WDFY3: variants seen among roughly 807,000 people sequenced by gnomAD.
WDFY3 encodes the protein WD repeat and FYVE domain-containing protein 3.
Under a neutral mutation model 409.6 loss-of-function variants are expected in WDFY3, and 66 were observed. The ratio of observed to expected loss-of-function variants is 0.16; its 90% CI spans 0.13 to 0.20. The LOEUF is 0.20. Ranked by LOEUF, WDFY3 falls within the 10% of genes least tolerant of loss-of-function variation. The probability of loss-of-function intolerance (pLI) is 1.00; values close to 1 mark genes in which losing one functional copy is unlikely to be tolerated. For synonymous variants in WDFY3, 1,521 were observed against 1,537.1 expected (o/e 0.99, Z 0.25); for missense variants, 3,031 against 4,298.1 (o/e 0.71, Z 8.24).
chr4:84,734,838 G>A (rs1220094753), intron 43 of WDFY3, among the ~76,000 whole-genome samples: 2 of 152,124 alleles, frequency 1.3e-5, no homozygotes, highest in Non-Finnish European at 2.9e-5. Context: ...TTTTTGAAAT[G>A]CAGTTTGTTG....
intron 3 of WDFY3, among the ~76,000 whole-genome samples, chr4:84,881,037 A>G (rs111382872): frequency 5.1e-4 from 78 of 151,960 alleles, no homozygotes; most frequent in African/African-American, 1.9e-3. Context: ...GGTAAGTCTT[A>G]CTGAGCTTCT....
chr4:84,765,218 T>C (rs887042740), intron 32 of WDFY3, among the ~76,000 whole-genome samples: 1 of 152,170 alleles, frequency 6.6e-6, no homozygotes, highest in Non-Finnish European at 1.5e-5. Context: ...TGAGTTCAAA[T>C]AAATCTAGCA....
At chr4:84,760,410 T>C (rs1421108288) in intron 32 of WDFY3, among the ~76,000 whole-genome samples, 1 of 152,256 alleles carries the variant, frequency 6.6e-6, no homozygotes, top group East Asian at 1.9e-4. Flanking sequence ...TCTGGTAGAA[T>C]TCAGCTGTGA....
intron 4 of WDFY3, among the ~76,000 whole-genome samples, chr4:84,853,060 G>A (rs1285820607): frequency 6.6e-5 from 10 of 151,724 alleles, no homozygotes; most frequent in Non-Finnish European, 1.2e-4. Context: ...TGCCCGGCCA[G>A]AAACCTCTAT....
chr4:84,912,330 A>C (rs1176931670), intron 2 of WDFY3, among the ~76,000 whole-genome samples: 1 of 152,212 alleles, frequency 6.6e-6, no homozygotes, highest in South Asian at 2.1e-4. Flanking sequence ...CTGTAAAAAC[A>C]GAGAGGGAAA....
At chr4:84,751,886 C>T (rs1740584800) in intron 35 of WDFY3, among the ~76,000 whole-genome samples, 170 bp from the exon 36 acceptor site, 1 of 152,162 alleles carries the variant, frequency 6.6e-6, no homozygotes, top group African/African-American at 2.4e-5. Flanking sequence ...AGTAATCTGG[C>T]ACCATATGTC....
intron 43 of WDFY3, among the ~76,000 whole-genome samples, chr4:84,733,849 T>C (rs113582768): frequency 6.6e-6 from 1 of 152,156 alleles, no homozygotes; most frequent in Non-Finnish European, 1.5e-5. Flanking sequence ...GTGTGCAATA[T>C]AGTGAAACAG....
In WDFY3 at chr4:84,789,048, A is replaced by G. The variant is rs1748024701; in HGVS notation, c.3669+678T>C. Among the ~76,000 whole-genome samples, 2 of 152,086 alleles carry G rather than the reference A, an allele frequency of 1.3e-5. 1 individual carries two copies. Among genetic ancestry groups the G allele is most frequent in the Admixed American group, 1.3e-4 (2 of 15,258 alleles). On this transcript the variant is annotated intron_variant, in intron 22 of 67. Coordinates refer to ENST00000295888, the MANE Select transcript of WDFY3 (RefSeq NM_014991.6). ...AAAGGAAAAACAATAAAAATAAAATAAAATAAAATAAAATGAATACTATCT... is the reference window on the plus strand; with the variant it reads ...AAAGGAAAAACAATAAAAATAAAATGAAATAAAATAAAATGAATACTATCT...
chr4:84,696,863 A>G, intron 56 of WDFY3, 40 bp from the exon 57 acceptor site: 1 of 1,527,040 alleles, frequency 6.5e-7, no homozygotes, highest in Non-Finnish European at 9.0e-7. Flanking sequence ...AAAAAGAAAG[A>G]ATGGGATAAA....
intron 1 of WDFY3, among the ~76,000 whole-genome samples, chr4:84,940,117 C>A (rs1205136116): frequency 4.6e-5 from 7 of 152,194 alleles, no homozygotes; most frequent in African/African-American, 1.7e-4. Context: ...GGAGAACCCT[C>A]ACTCCAACAA....
chr4:84,902,349 A>C (rs939019282), intron 2 of WDFY3, among the ~76,000 whole-genome samples: 2 of 152,214 alleles, frequency 1.3e-5, no homozygotes, highest in Non-Finnish European at 1.5e-5. Flanking sequence ...CAATAAAAAC[A>C]ATTTATAAAT....
intron 30 of WDFY3, among the ~76,000 whole-genome samples, chr4:84,771,141 T>C (rs564547880): frequency 3.9e-5 from 6 of 152,282 alleles, no homozygotes; most frequent in African/African-American, 1.4e-4. Context: ...CCACCTTTTT[T>C]TGTTTGTTTT....
In WDFY3 at chr4:84,787,484, G is replaced by A. The variant is rs1560759791; in HGVS notation, c.3899C>T (p.Pro1300Leu). 6.2e-7 allele frequency: 1 copy of A among 1,611,712 alleles called. No homozygotes were observed. Among genetic ancestry groups the A allele is most frequent in the South Asian group, 1.1e-5 (1 of 91,024 alleles). The change falls in exon 23 of 68, where the codon CCA becomes CTA. Residue 1300 changes from proline (P) to leucine (L), a missense_variant and splice_region_variant. By Grantham distance (98) the Pro-to-Leu change is moderately conservative. Transcript: ENST00000295888. The part of the protein sequence containing the change: ...YVGSFQAVCM[P>L]CKDAKSEGVV... ...AGAACTAAAAATAAGTTACTCACATGGCATACATACAGCCTGAAAGCTTCC... is the reference window on the plus strand; with the variant it reads ...AGAACTAAAAATAAGTTACTCACATAGCATACATACAGCCTGAAAGCTTCC...
rs776230141 is a variant in WDFY3 at position 84,836,954 on chromosome 4, C to A, written c.551G>T (p.Gly184Val). Reference sequence around the variant, plus strand: ...CTGTACAAAAACTTTCTGGAGTAGTCCTCGACGTTCTGCTAGAGGTAGCTC... The same window carrying A: ...CTGTACAAAAACTTTCTGGAGTAGTACTCGACGTTCTGCTAGAGGTAGCTC... Reference protein sequence around the residue: ...QNELPLAERRGLLQKVFVQIL... With the variant: ...QNELPLAERRVLLQKVFVQIL... Residue 184 changes from glycine (G) to valine (V), a missense_variant, in exon 7 of 68, where the codon GGA becomes GTA. Transcript: ENST00000295888. The A allele has an allele frequency of 5.0e-6, 8 of 1,585,726 alleles. No homozygotes were observed. Among genetic ancestry groups the A allele is most frequent in the Non-Finnish European group, 6.0e-6 (7 of 1,166,164 alleles).
intron 3 of WDFY3, among the ~76,000 whole-genome samples, chr4:84,868,612 T>C (rs1452777835): frequency 6.6e-6 from 1 of 152,148 alleles, no homozygotes; most frequent in Non-Finnish European, 1.5e-5. Context: ...TGTGCTTAAT[T>C]TTTTTCCTAC....
intron 32 of WDFY3, among the ~76,000 whole-genome samples, chr4:84,762,671 T>A (rs959869584): frequency 3.3e-5 from 5 of 152,166 alleles, no homozygotes; most frequent in African/African-American, 1.2e-4. Context: ...TGACAACTCA[T>A]TTCTCCATTT....
intron 46 of WDFY3, 140 bp downstream of exon 46, chr4:84,724,286 A>T: frequency 1.1e-6 from 1 of 915,354 alleles, no homozygotes; most frequent in South Asian, 2.4e-5. Context: ...ATCAATCTTT[A>T]AGAAGGGTGA....
At chr4:84,700,107 A>C (rs1044641482) in intron 56 of WDFY3, among the ~76,000 whole-genome samples, 4 of 152,120 alleles carry the variant, frequency 2.6e-5, no homozygotes, top group African/African-American at 9.7e-5. Context: ...TTGATATCAT[A>C]TTTAAGAATA....
chr4:84,811,102 A>G (rs1752418492), intron 13 of WDFY3, among the ~76,000 whole-genome samples: 1 of 152,112 alleles, frequency 6.6e-6, no homozygotes, highest in African/African-American at 2.4e-5. Flanking sequence ...GGTTCAAGCA[A>G]TTCTCGTGCC....
Sources: allele counts gnomAD v4.1 joint callset (sites outside exome capture counted in the v4.1 genomes callset), GRCh38; gene constraint gnomAD v4.1.1; transcripts MANE v1.5; gene names NCBI Gene and HGNC (gene_info 2026-07-23, HGNC 2026-07-21).